Variants in WAPL observed in about 807,000 individuals in gnomAD.
The protein encoded by WAPL is wings apart-like protein homolog.
WAPL carries 5 observed loss-of-function variants against 121.0 expected under a neutral mutation model. The ratio of observed to expected loss-of-function variants is 0.04; its 90% CI spans 0.02 to 0.09. WAPL has a LOEUF of 0.09. Ranked by LOEUF, WAPL falls within the 10% of genes least tolerant of loss-of-function variation. WAPL has a pLI of 1.00. For missense variants in WAPL, 999 were observed against 1,410.8 expected, an observed-to-expected ratio of 0.71 and a Z score of 4.68; for synonymous variants, 480 against 481.5, an observed-to-expected ratio of 1.00 and a Z score of 0.04.
chr10:86,462,494 C>T (rs1841305330), intron 9 of WAPL, among the ~76,000 whole-genome samples: 1 of 151,876 alleles, frequency 6.6e-6, no homozygotes, highest in Admixed American at 6.6e-5. Context: ...CCGAGGCGGG[C>T]TGATCACCTC....
chr10:86,515,864 C>CTTTTTT lies in WAPL; in HGVS notation c.499+1701_499+1706dup, dbSNP rs377683656. 1.0e-3 allele frequency among the ~76,000 whole-genome samples: 104 copies of CTTTTTT among 101,136 alleles called. 1 individual carries two copies. The highest frequency in any genetic ancestry group is 3.5e-3 in the East Asian group (10 of 2,838). 66.3% of individuals were successfully genotyped at this position (101,136 alleles called of 152,430 possible). A position where few individuals can be genotyped will look rare whatever the true frequency, so the allele number is the denominator to read the frequency against. ...GAAACAGTTTTTATGCTGTCTATGC[C>CTTTTTT]TTTTTTTTTTTTTTTTTTTGAGATG... On this transcript the variant is annotated intron_variant, in intron 2 of 18. Coordinates refer to ENST00000298767, the MANE Select transcript of WAPL (RefSeq NM_015045.5).
chr10:86,468,403 G>A (rs1841452084), intron 8 of WAPL, among the ~76,000 whole-genome samples: 1 of 151,734 alleles, frequency 6.6e-6, no homozygotes, highest in South Asian at 2.1e-4. Flanking sequence ...TCACCATGTT[G>A]CCGAGGCTGG....
chr10:86,485,789 G>A (rs1313863732), intron 4 of WAPL, among the ~76,000 whole-genome samples: 1 of 152,130 alleles, frequency 6.6e-6, no homozygotes, highest in African/African-American at 2.4e-5. Context: ...TACTAAGACT[G>A]CTCAAAATTC....
intron 2 of WAPL, among the ~76,000 whole-genome samples, chr10:86,510,480 C>T (rs1009718434): frequency 6.6e-6 from 1 of 152,130 alleles, no homozygotes; most frequent in African/African-American, 2.4e-5. Flanking sequence ...TTTATCATGA[C>T]CAGCAGAAGT....
chr10:86,476,729 A>G (rs911555084), intron 4 of WAPL, among the ~76,000 whole-genome samples: 3 of 151,526 alleles, frequency 2.0e-5, no homozygotes, highest in African/African-American at 4.9e-5. Flanking sequence ...ATTAAATGTT[A>G]TTATTAATTG....
chr10:86,453,205 G>A lies in WAPL; in HGVS notation c.2949+15C>T. On this transcript the variant is annotated intron_variant, in intron 14 of 18. Coordinates refer to ENST00000298767, the MANE Select transcript of WAPL (RefSeq NM_015045.5). ...AGATATGATACTCATTTCTGAAAAA[G>A]TCATTTCAACTTACCAGCACTCGAA... 6.2e-7 allele frequency: 1 copy of A among 1,612,602 alleles called. No homozygotes were observed. The highest frequency in any genetic ancestry group is 8.5e-7 in the Non-Finnish European group (1 of 1,178,832).
Position 86,472,437 on chromosome 10 carries a change from A to G in WAPL, c.1894-93T>C. On this transcript the variant is annotated intron_variant, in intron 6 of 18. Transcript: ENST00000298767. This position sits in a 1 kb window ranked among gnomAD's most constrained non-coding sequence, Gnocchi z 4.2. ...TGTACTTTACATAAGTGCATAAAAT[A>G]GTTCATTAGATGGCAACAAAAATAT... 6.6e-7 allele frequency: 1 copy of G among 1,520,472 alleles called. No individual in the cohort carries two copies. The highest frequency in any genetic ancestry group is 8.8e-7 in the Non-Finnish European group (1 of 1,133,374). The allele number at this position is 1,520,472 out of a possible 1,614,324, so 94.2% of individuals were successfully genotyped here.
At chr10:86,503,680 A>C (rs779680611) in intron 2 of WAPL, among the ~76,000 whole-genome samples, 1 of 151,126 alleles carries the variant, frequency 6.6e-6, no homozygotes, top group Admixed American at 6.6e-5. Context: ...GTGAACCCGG[A>C]AGGCGGAGCT....
At chr10:86,443,176 A>G in intron 17 of WAPL, 99 bp downstream of exon 17, 2 of 901,166 alleles carry the variant, frequency 2.2e-6, no homozygotes, top group Non-Finnish European at 3.4e-6. Flanking sequence ...TTAAGGGGGA[A>G]ACACTGAAGA....
chr10:86,450,444 C>T (rs1840949851), intron 15 of WAPL, among the ~76,000 whole-genome samples: 1 of 152,132 alleles, frequency 6.6e-6, no homozygotes, highest in South Asian at 2.1e-4. Context: ...CTATGTTGCC[C>T]ATGCTGGTCT....
chr10:86,448,562 T>C (rs984417124), intron 15 of WAPL, among the ~76,000 whole-genome samples: 7 of 152,224 alleles, frequency 4.6e-5, no homozygotes, highest in African/African-American at 7.2e-5. Flanking sequence ...AGAGTGGGTA[T>C]AGACTAAATA....
intron 4 of WAPL, among the ~76,000 whole-genome samples, chr10:86,493,695 ATT>A (rs11343574): frequency 0.02 from 2,910 of 145,772 alleles, 73 homozygotes; most frequent in African/African-American, 0.058. Flanking sequence ...GCCCAACTAC[ATT>A]TTTTTTTTTT....
Position 86,472,351 on chromosome 10 carries a change from AG to A in WAPL, c.1894-8del. The A allele has an allele frequency of 6.3e-7, 1 of 1,587,050 alleles. No individual in the cohort carries two copies. The highest frequency in any genetic ancestry group is 1.2e-5 in the South Asian group (1 of 85,198). ...GCTGAACAACAGTATATAACTGCCA[AG>A]AAAAAAAAAGTTCACCCCTTTTTAA... On this transcript the variant is annotated splice_polypyrimidine_tract_variant and splice_region_variant and intron_variant, in intron 6 of 18. Coordinates refer to ENST00000298767, the MANE Select transcript of WAPL (RefSeq NM_015045.5). This position sits in a 1 kb window ranked among gnomAD's most constrained non-coding sequence, Gnocchi z 4.2.
Position 86,472,193 on chromosome 10 carries a change from A to G in WAPL, c.2030+15T>C, listed in dbSNP as rs775484879. ...AGCATGCACATAATTGTAAAATATA[A>G]AAATAAGATCTTACCTAAGGCAACG... On this transcript the variant is annotated intron_variant, in intron 7 of 18. Transcript: ENST00000298767. This position sits in a 1 kb window ranked among gnomAD's most constrained non-coding sequence, Gnocchi z 4.2. 2 of 1,539,062 alleles carry G rather than the reference A, an allele frequency of 1.3e-6. No homozygotes were observed. The highest frequency in any genetic ancestry group is 1.4e-5 in the African/African-American group (1 of 71,226).
At chr10:86,516,600 T>C (rs1842560349) in intron 2 of WAPL, among the ~76,000 whole-genome samples, 1 of 152,116 alleles carries the variant, frequency 6.6e-6, no homozygotes, top group South Asian at 2.1e-4. Context: ...CTCCCACTTC[T>C]CCACCCCACC....
chr10:86,470,015 T>G (rs1841500103), intron 8 of WAPL, among the ~76,000 whole-genome samples: 1 of 152,014 alleles, frequency 6.6e-6, no homozygotes, highest in South Asian at 2.1e-4. Flanking sequence ...GCACACCACC[T>G]TGCCCAGCAA....
Position 86,453,633 on chromosome 10 carries a change from A to G in WAPL, c.2833+23T>C, listed in dbSNP as rs962475184. The G allele has an allele frequency of 4.4e-6, 7 of 1,583,496 alleles. 1 individual carries two copies. Among genetic ancestry groups the G allele is most frequent in the South Asian group, 3.5e-5 (3 of 85,814 alleles). On this transcript the variant is annotated intron_variant, in intron 13 of 18. Coordinates refer to ENST00000298767, the MANE Select transcript of WAPL (RefSeq NM_015045.5). The stretch of plus-strand genomic sequence containing the variant: ...CATGCAATATACATCTTTCAATGAG[A>G]AAAAAATGGAAAAAAATCTTACCAT...
chr10:86,499,203 GT>G (rs1842200714), intron 3 of WAPL, among the ~76,000 whole-genome samples: 1 of 152,154 alleles, frequency 6.6e-6, no homozygotes, highest in Admixed American at 6.5e-5. Context: ...CTACAAATTG[GT>G]TCCTTACAAC....
intron 4 of WAPL, among the ~76,000 whole-genome samples, chr10:86,493,532 T>C (rs1842089204): frequency 6.6e-6 from 1 of 152,074 alleles, no homozygotes; most frequent in Admixed American, 6.6e-5. Flanking sequence ...TTTTCATTTA[T>C]TTATTTATTT....
Sources: gnomAD v4.1 joint callset for allele counts (sites outside exome capture counted in the v4.1 genomes callset) on GRCh38, gnomAD v4.1.1 for gene constraint, Gnocchi (gnomAD v3.1) non-coding constraint, MANE v1.5 for transcripts, NCBI Gene and HGNC (gene_info 2026-07-23, HGNC 2026-07-21) for gene names.